The following DELE1 variants were observed in gnomAD, a reference collection of about 807,000 sequenced individuals.
The protein encoded by DELE1 is DAP3 binding cell death enhancer 1, also known as death ligand signal enhancer.
In DELE1, 54 loss-of-function variants were observed where a neutral mutation model predicts 59.3. The observed-to-expected ratio is 0.91, with a 90% confidence interval of 0.73 to 1.14. The LOEUF (loss-of-function observed/expected upper bound fraction) is 1.14, where lower values mean the gene tolerates loss of function less well. DELE1 is among the 50% of genes most tolerant of loss of function. The pLI, the probability that DELE1 is intolerant of heterozygous loss-of-function variation, is 0.00. For missense variants in DELE1, 636 were observed against 643.9 expected, an observed-to-expected ratio of 0.99 and a Z score of 0.13; for synonymous variants, 264 against 259.1, an observed-to-expected ratio of 1.02 and a Z score of -0.18.
In DELE1 at chr5:141,938,770, A is replaced by G. The variant is rs199893356; in HGVS notation, c.*11A>G. The G allele has an allele frequency of 5.2e-4, 829 of 1,603,564 alleles. 1 individual carries two copies. Among genetic ancestry groups the G allele is most frequent in the South Asian group, 4.4e-4 (40 of 90,638 alleles). Reference sequence around the variant, plus strand: ...CTAGGTTTTGGCTAAGGTGAGATAAAACATAGTCCCTGGTGCCTCTTAGGG... The same window carrying G: ...CTAGGTTTTGGCTAAGGTGAGATAAGACATAGTCCCTGGTGCCTCTTAGGG... On this transcript the variant is annotated 3_prime_UTR_variant, in exon 12 of 12. Coordinates refer to ENST00000432126, the MANE Select transcript of DELE1 (RefSeq NM_014773.5).
At chr5:141,925,803 C>T (rs75113587) in intron 3 of DELE1, among the ~76,000 whole-genome samples, 3,150 of 152,282 alleles carry the variant, frequency 0.021, 115 homozygotes, top group African/African-American at 0.072. Flanking sequence ...AAGATAGATA[C>T]ATTCTTGCCT....
intron 10 of DELE1, 185 bp from the exon 11 acceptor site, chr5:141,937,013 G>C: frequency 6.8e-7 from 1 of 1,467,572 alleles, no homozygotes; most frequent in Non-Finnish European, 9.0e-7. Context: ...CCTTTGTGTT[G>C]GGTGAGCTCT....
Position 141,934,383 on chromosome 5 carries a change from C to T in DELE1, c.1041C>T (p.Asp347=). The part of the protein sequence containing the change: ...RAVSLLKQAA[D]SGLREAQAFL... ...TGTCCTTGCTGAAGCAGGCTGCAGA[C>T]TCAGGCTTGAGAGAGGTGAGTGCCA... is the stretch of plus-strand genomic sequence containing the variant. The change falls in exon 9 of 12, where the codon GAC becomes GAT. Residue 347 remains aspartate (D), a synonymous_variant. Transcript: ENST00000432126. 1 of 1,614,244 alleles carries T rather than the reference C, an allele frequency of 6.2e-7. No homozygotes were observed. The highest frequency in any genetic ancestry group is 8.5e-7 in the Non-Finnish European group (1 of 1,180,048).
chr5:141,928,035 G>A (rs1751560229), intron 3 of DELE1, 116 bp from the exon 4 acceptor site: 4 of 1,153,200 alleles, frequency 3.5e-6, no homozygotes, highest in Non-Finnish European at 4.9e-6. Flanking sequence ...GTGAAAGTTT[G>A]TAGTCGGGGA....
In DELE1 at chr5:141,938,619, CCA is replaced by C; in HGVS notation, c.1411_1412del (p.His471CysfsTer47). On this transcript the variant is annotated frameshift_variant, in exon 12 of 12. Coordinates refer to ENST00000432126, the MANE Select transcript of DELE1 (RefSeq NM_014773.5). LOFTEE classifies it high-confidence loss of function. Reference protein sequence around the residue: ...NTLLAGTSRLPHASSTGNLGL... With the variant: ...NTLLAGTSRLXHASSTGNLGL... ...CCTGCTAGCAGGAACCTCACGCCTA[CCA>C]CATGCCTCGAGCACAGGCAACCTTG... is the stretch of plus-strand genomic sequence containing the variant. 6.2e-7 allele frequency: 1 copy of C among 1,614,176 alleles called. No homozygotes were observed. The highest frequency in any genetic ancestry group is 8.5e-7 in the Non-Finnish European group (1 of 1,180,038).
intron 7 of DELE1, among the ~76,000 whole-genome samples, chr5:141,932,668 T>C (rs563402456): frequency 6.6e-6 from 1 of 152,288 alleles, no homozygotes; most frequent in African/African-American, 2.4e-5. Context: ...AGCACATTGA[T>C]TGACAGCACT....
chr5:141,925,371 C>A, intron 2 of DELE1, 39 bp from the exon 3 acceptor site: 1 of 1,425,168 alleles, frequency 7.0e-7, no homozygotes, highest in Non-Finnish European at 9.6e-7. Flanking sequence ...CCTGGTCTCC[C>A]TTTGCCCCTA....
chr5:141,927,411 C>A (rs1298487340), intron 3 of DELE1, among the ~76,000 whole-genome samples: 2 of 152,194 alleles, frequency 1.3e-5, no homozygotes, highest in Non-Finnish European at 2.9e-5. Flanking sequence ...GTTGGCTGGT[C>A]TTCAACTCCT....
chr5:141,929,455 G>T (rs1751704227), intron 4 of DELE1, 127 bp from the exon 5 acceptor site: 4 of 928,598 alleles, frequency 4.3e-6, no homozygotes, highest in African/African-American at 3.3e-5. Flanking sequence ...TCACCATGTT[G>T]GCCAGGCTGG....
chr5:141,937,271 C>T lies in DELE1; in HGVS notation c.1223C>T (p.Ala408Val), dbSNP rs769824979. Residue 408 changes from alanine (A) to valine (V), a missense_variant, in exon 11 of 12, where the codon GCC (alanine) becomes GTC (valine). By Grantham distance (64) the Ala-to-Val change is moderately conservative. Transcript: ENST00000432126. ...GGTGTGCAGAGGAATCTGGGAGAGGCCTTGAGATGTTACCAGCAGTCAGCC... is the reference window on the plus strand; with the variant it reads ...GGTGTGCAGAGGAATCTGGGAGAGGTCTTGAGATGTTACCAGCAGTCAGCC... ...GLGVQRNLGEALRCYQQSAAL... is the reference protein window; with the variant it reads ...GLGVQRNLGEVLRCYQQSAAL... 3 of 1,614,204 alleles carry T rather than the reference C, an allele frequency of 1.9e-6. No homozygotes were observed. Among genetic ancestry groups the T allele is most frequent in the Non-Finnish European group, 2.5e-6 (3 of 1,180,042 alleles).
rs926953513 is a variant in DELE1 at position 141,939,818 on chromosome 5, C to A, written c.*1059C>A. The A allele has an allele frequency of 9.4e-6, 6 of 637,558 alleles. No individual in the cohort carries two copies. The highest frequency in any genetic ancestry group is 8.0e-5 in the African/African-American group (4 of 49,982). The allele number at this position is 637,558 out of a possible 1,614,324, so 39.5% of individuals were successfully genotyped here. On this transcript the variant is annotated 3_prime_UTR_variant, in exon 12 of 12. Transcript: ENST00000432126. ...AAGGCAATGGTGTCTGCCCTCCTAC[C>A]TTAGAAGACAAATGCAAGGGCATTT... is the stretch of plus-strand genomic sequence containing the variant.
intron 10 of DELE1, chr5:141,934,948 T>A (rs1456407734): frequency 4.2e-6 from 1 of 238,022 alleles, no homozygotes. Flanking sequence ...CAAACCTGTT[T>A]CCTCGTCTTT....
chr5:141,933,105 AAAAAAAAT>A (rs1405862596), intron 7 of DELE1, among the ~76,000 whole-genome samples, 146 bp from the exon 8 acceptor site: 14 of 139,224 alleles, frequency 1.0e-4, no homozygotes, highest in African/African-American at 3.9e-4. Flanking sequence ...AAAAAAAAAA[AAAAAAAAT>A]ATATATATAT....
At chr5:141,925,631 C>T in intron 3 of DELE1, 104 bp downstream of exon 3, 1 of 617,804 alleles carries the variant, frequency 1.6e-6, no homozygotes, top group Non-Finnish European at 2.7e-6. Flanking sequence ...TCACTGTGTC[C>T]ATTTAACAAG....
At chr5:141,924,492 G>T (rs1027287382) in intron 1 of DELE1, 89 bp from the exon 2 acceptor site, 1 of 772,492 alleles carries the variant, frequency 1.3e-6, no homozygotes, top group African/African-American at 1.7e-5. Flanking sequence ...ATTCCCATGT[G>T]TATCCATGTT....
At chr5:141,936,837 C>T in intron 10 of DELE1, 1 of 982,850 alleles carries the variant, frequency 1.0e-6, no homozygotes, top group Non-Finnish European at 1.2e-6. Context: ...TCCACCTTCG[C>T]CTCCTTGCTG....
Position 141,941,878 on chromosome 5 carries a change from G to A in DELE1, c.*3119G>A. The A allele has an allele frequency of 2.0e-6, 2 of 985,276 alleles. No individual in the cohort carries two copies. The highest frequency in any genetic ancestry group is 1.7e-5 in the African/African-American group (1 of 57,294). 61.0% of individuals were successfully genotyped at this position (985,276 alleles called of 1,614,324 possible). ...CACCAAGCCTACCCAGCACATAGTAGGTACTTTAAGTAATTTGAATGAATA... is the reference window on the plus strand; with the variant it reads ...CACCAAGCCTACCCAGCACATAGTAAGTACTTTAAGTAATTTGAATGAATA... On this transcript the variant is annotated 3_prime_UTR_variant, in exon 12 of 12. Transcript: ENST00000432126.
At chr5:141,935,011 T>C (rs2126891269) in intron 10 of DELE1, 1 of 170,280 alleles carries the variant, frequency 5.9e-6, no homozygotes, top group African/African-American at 2.4e-5. Context: ...ACAGGGTGGT[T>C]GTGAGGATCA....
rs907223313 is a variant in DELE1 at position 141,940,641 on chromosome 5, C to T, written c.*1882C>T. On this transcript the variant is annotated 3_prime_UTR_variant, in exon 12 of 12. Coordinates refer to ENST00000432126, the MANE Select transcript of DELE1 (RefSeq NM_014773.5). ...CAAGCGTCCTCTAGCTCCATCTCCT[C>T]GCCTGCTCCCTGCCTCCTTTTCAGG... 3.1e-5 allele frequency: 31 copies of T among 985,932 alleles called. No homozygotes were observed. The highest frequency in any genetic ancestry group is 5.1e-4 in the Middle Eastern group (1 of 1,944). 61.1% of individuals were successfully genotyped at this position (985,932 alleles called of 1,614,324 possible). A position where few individuals can be genotyped will look rare whatever the true frequency, so the allele number is the denominator to read the frequency against.
Sources: allele counts gnomAD v4.1 joint callset (sites outside exome capture counted in the v4.1 genomes callset), GRCh38; gene constraint gnomAD v4.1.1; transcripts MANE v1.5; gene names NCBI Gene and HGNC (gene_info 2026-07-23, HGNC 2026-07-21).